MAST2: variants seen among roughly 807,000 people sequenced by gnomAD.
The protein encoded by MAST2 is microtubule-associated serine/threonine-protein kinase 2.
MAST2 carries 70 observed loss-of-function variants against 147.4 expected under a neutral mutation model. The ratio of observed to expected loss-of-function variants is 0.47; its 90% confidence interval spans 0.39 to 0.58. The LOEUF (loss-of-function observed/expected upper bound fraction) is 0.58, where lower values mean the gene tolerates loss of function less well. MAST2 is among the 20% of genes least tolerant of loss of function. The pLI is 0.00. For synonymous variants in MAST2, 869 were observed against 896.8 expected, an observed-to-expected ratio of 0.97 and a Z score of 0.55; for missense variants, 2,080 against 2,302.3, an observed-to-expected ratio of 0.90 and a Z score of 1.98.
chr1:45,841,134 G>T (rs1293939917), intron 3 of MAST2, among the ~76,000 whole-genome samples: 2 of 151,802 alleles, frequency 1.3e-5, no homozygotes, highest in South Asian at 2.1e-4. Context: ...TGTAATGGGG[G>T]TTGGGGGTGG....
chr1:45,947,040 GA>G (rs1348889734), intron 4 of MAST2, among the ~76,000 whole-genome samples: 2 of 152,124 alleles, frequency 1.3e-5, no homozygotes, highest in Admixed American at 1.3e-4. Context: ...CGAGGGCAAA[GA>G]AAATTCAAGT....
At chr1:45,911,855 A>T (rs1288510880) in intron 4 of MAST2, among the ~76,000 whole-genome samples, 2 of 16,728 alleles carry the variant, frequency 1.2e-4, no homozygotes, top group African/African-American at 7.2e-4. Context: ...TTATTGTTAT[A>T]TTATTATTAT....
At chr1:46,020,969 G>A (rs1198449829) in intron 11 of MAST2, among the ~76,000 whole-genome samples, 2 of 152,204 alleles carry the variant, frequency 1.3e-5, no homozygotes, top group Non-Finnish European at 2.9e-5. Context: ...GAGAGGGCAG[G>A]ATGAGCCAGG....
chr1:45,935,776 T>C (rs1656099858), intron 4 of MAST2, among the ~76,000 whole-genome samples: 2 of 152,204 alleles, frequency 1.3e-5, no homozygotes, highest in African/African-American at 4.8e-5. Flanking sequence ...TACTATGCTG[T>C]TTTGGTTACT....
At chr1:45,952,197 G>C (rs959763692) in intron 4 of MAST2, among the ~76,000 whole-genome samples, 2 of 152,192 alleles carry the variant, frequency 1.3e-5, no homozygotes, top group African/African-American at 4.8e-5. Context: ...TTTATGAAAG[G>C]ATTAACAATT....
At chr1:45,888,129 CCATT>C (rs1471466431) in intron 4 of MAST2, among the ~76,000 whole-genome samples, 2 of 152,162 alleles carry the variant, frequency 1.3e-5, no homozygotes, top group African/African-American at 4.8e-5. Flanking sequence ...TCATAACTGT[CCATT>C]CACCATAATG....
chr1:45,989,739 T>C (rs1644787556), intron 5 of MAST2, among the ~76,000 whole-genome samples: 1 of 72,336 alleles, frequency 1.4e-5, no homozygotes, highest in Non-Finnish European at 2.5e-5. Context: ...TTCACCTATT[T>C]GTCCCTCATC....
chr1:45,863,207 T>C (rs1646036442), intron 3 of MAST2, among the ~76,000 whole-genome samples: 1 of 152,194 alleles, frequency 6.6e-6, no homozygotes, highest in Non-Finnish European at 1.5e-5. Flanking sequence ...TTGAATAAAT[T>C]AGAAGCCACT....
At chr1:45,997,894 C>G (rs913885041) in intron 6 of MAST2, 95 bp downstream of exon 6, 38 of 1,017,994 alleles carry the variant, frequency 3.7e-5, no homozygotes, top group Non-Finnish European at 5.7e-5. Context: ...TGTCACTACT[C>G]TTTCAAGTGT....
Position 45,880,707 on chromosome 1 carries a change from G to A in MAST2, c.469-1657G>A, listed in dbSNP as rs373319210. ...ATTGTGAAAAGTAAACCGGCTGGGCGTGATGGCTGACACCTGTAATCTCAG... is the reference window on the plus strand; with the variant it reads ...ATTGTGAAAAGTAAACCGGCTGGGCATGATGGCTGACACCTGTAATCTCAG... On this transcript the variant is annotated intron_variant, in intron 3 of 28. Coordinates refer to ENST00000361297, the MANE Select transcript of MAST2 (RefSeq NM_015112.3). Among the ~76,000 whole-genome samples, 92 of 152,174 alleles carry A rather than the reference G, an allele frequency of 6.0e-4. 2 individuals are homozygous for A. In the South Asian group the frequency reaches 0.011, roughly 18 times the overall value.
Position 46,035,415 on chromosome 1 carries a change from G to C in MAST2, c.4746G>C (p.Arg1582Ser), listed in dbSNP as rs1166005497. 1 of 1,612,372 alleles carries C rather than the reference G, an allele frequency of 6.2e-7. No homozygotes were observed. The highest frequency in any genetic ancestry group is 8.5e-7 in the Non-Finnish European group (1 of 1,179,606). Reference protein sequence around the residue: ...RMESPSGPHRRLGSPQAIEEA... With the variant: ...RMESPSGPHRSLGSPQAIEEA... ...AAAGTCCCAGTGGTCCCCACAGGAG[G>C]CTCGGGAGCCCACAAGCCATTGAGG... The change falls in exon 29 of 29, where the codon AGG becomes AGC. Residue 1582 changes from arginine to serine, a missense_variant. Arg to Ser is a moderately radical substitution (Grantham distance 110). Transcript: ENST00000361297. This position sits in a 1 kb window ranked among gnomAD's most constrained non-coding sequence, Gnocchi z 5.5.
At chr1:45,807,363 G>A (rs1422664720) in intron 1 of MAST2, among the ~76,000 whole-genome samples, 2 of 152,098 alleles carry the variant, frequency 1.3e-5, no homozygotes, top group Non-Finnish European at 2.9e-5. Context: ...TCTGTTTGTA[G>A]ATGTTGAGGA....
intron 5 of MAST2, among the ~76,000 whole-genome samples, chr1:45,989,124 T>C (rs968722584): frequency 3.3e-5 from 5 of 152,220 alleles, no homozygotes; most frequent in African/African-American, 1.2e-4. Flanking sequence ...ATATTTTATA[T>C]GTAATTGTCT....
At chr1:45,824,660 C>T in intron 2 of MAST2, 80 bp downstream of exon 2, 1 of 1,400,148 alleles carries the variant, frequency 7.1e-7, no homozygotes, top group Non-Finnish European at 9.6e-7. Context: ...GAATTGGCAT[C>T]TTGACAGTTT....
chr1:45,906,871 A>G lies in MAST2; in HGVS notation c.500+24476A>G, dbSNP rs531728344. On this transcript the variant is annotated intron_variant, in intron 4 of 28. Transcript: ENST00000361297. ...AAACCCCACTCATGGTAAGTGCCCTATACAAGTGTACCATTTCTATCTTTT... is the reference window on the plus strand; with the variant it reads ...AAACCCCACTCATGGTAAGTGCCCTGTACAAGTGTACCATTTCTATCTTTT... Among the ~76,000 whole-genome samples the G allele has an allele frequency of 9.2e-5, 13 of 140,810 alleles. No individual in the cohort carries two copies. The East Asian group carries it at 2.9e-3, about 32-fold the overall frequency. The allele number at this position is 140,810 out of a possible 152,430, so 92.4% of individuals were successfully genotyped here. A position where few individuals can be genotyped will look rare whatever the true frequency, so the allele number is the denominator to read the frequency against.
intron 5 of MAST2, among the ~76,000 whole-genome samples, chr1:45,970,397 G>T (rs1643870179): frequency 6.6e-6 from 1 of 152,116 alleles, no homozygotes; most frequent in Non-Finnish European, 1.5e-5. Context: ...GGGCACGGTG[G>T]CTCACACTTG....
At chr1:46,027,567 C>T (rs538127115) in intron 16 of MAST2, among the ~76,000 whole-genome samples, 164 bp from the exon 17 acceptor site, 7 of 152,322 alleles carry the variant, frequency 4.6e-5, no homozygotes, top group African/African-American at 9.6e-5. Flanking sequence ...ACAGCCAGAG[C>T]GATTTACGTG....
At chr1:45,938,566 A>G (rs1314540907) in intron 4 of MAST2, among the ~76,000 whole-genome samples, 4 of 152,184 alleles carry the variant, frequency 2.6e-5, no homozygotes, top group African/African-American at 9.7e-5. Context: ...GGCTCAAGTG[A>G]TTCTCCTGTC....
chr1:46,009,743 C>T (rs1645637263), intron 9 of MAST2, among the ~76,000 whole-genome samples: 1 of 152,098 alleles, frequency 6.6e-6, no homozygotes, highest in Non-Finnish European at 1.5e-5. Flanking sequence ...CCTTCACTTC[C>T]TTCTTTCTCC....
Sources: allele counts gnomAD v4.1 joint callset (sites outside exome capture counted in the v4.1 genomes callset), GRCh38; gene constraint gnomAD v4.1.1; non-coding constraint Gnocchi (gnomAD v3.1); transcripts MANE v1.5; gene names NCBI Gene and HGNC (gene_info 2026-07-23, HGNC 2026-07-21).